ZMYM2: variants seen among roughly 807,000 people sequenced by gnomAD.
ZMYM2 encodes zinc finger MYM-type containing 2.
A neutral mutation model predicts 162.8 loss-of-function variants in ZMYM2; 56 were observed. That is an observed-to-expected ratio of 0.34 (90% CI 0.28 to 0.43). ZMYM2 has a LOEUF of 0.43. Among genes scored for constraint, ZMYM2 ranks in the 20% least tolerant of loss-of-function variants. The pLI is 1.00. For missense variants in ZMYM2, 1,275 were observed against 1,621.8 expected, an observed-to-expected ratio of 0.79 and a Z score of 3.67; for synonymous variants, 510 against 541.6, an observed-to-expected ratio of 0.94 and a Z score of 0.81.
chr13:19,981,480 A>G, intron 2 of ZMYM2, among the ~76,000 whole-genome samples: 1 of 152,168 alleles, frequency 6.6e-6, no homozygotes, highest in Non-Finnish European at 1.5e-5. Context: ...ATCTACTATA[A>G]GCAAGTGTTT....
At chr13:19,908,008 C>A in the ZMYM2 span, among the ~76,000 whole-genome samples, 3 of 152,062 alleles carry the variant, frequency 2.0e-5, no homozygotes, top group Non-Finnish European at 2.9e-5. Flanking sequence ...AATTTTGCAG[C>A]CAGCCGTGGT....
the ZMYM2 span, among the ~76,000 whole-genome samples, chr13:19,879,312 A>C: frequency 2.6e-5 from 4 of 152,206 alleles, no homozygotes. Flanking sequence ...ATGGTGGCTC[A>C]TGCTTGTAAT....
intron 2 of ZMYM2, among the ~76,000 whole-genome samples, chr13:19,967,061 A>G (rs1209749642): frequency 3.9e-5 from 6 of 152,012 alleles, no homozygotes; most frequent in Admixed American, 6.6e-5. Flanking sequence ...CTTTATTTGT[A>G]TATCACATTT....
At chr13:19,971,816 A>G (rs1956360119) in intron 2 of ZMYM2, among the ~76,000 whole-genome samples, 3 of 152,126 alleles carry the variant, frequency 2.0e-5, no homozygotes, top group Admixed American at 1.3e-4. Flanking sequence ...GACATAAAAC[A>G]TCGTGAAATG....
In ZMYM2 at chr13:19,993,273, A is replaced by G. The variant is rs764966040; in HGVS notation, c.201A>G (p.Gln67=). The G allele has an allele frequency of 6.2e-7, 1 of 1,613,840 alleles. No individual in the cohort carries two copies. Among genetic ancestry groups the G allele is most frequent in the Non-Finnish European group, 8.5e-7 (1 of 1,179,870 alleles). ...DDDVVFIEPV[Q]PPPPSVPVVA... The stretch of plus-strand genomic sequence containing the variant: ...ATGTTGTTTTTATCGAACCTGTACA[A>G]CCTCCCCCACCTTCTGTACCAGTGG... The change falls in exon 3 of 25, where the codon CAA becomes CAG. Residue 67 remains glutamine (Q), a synonymous_variant. Coordinates refer to ENST00000610343, the MANE Select transcript of ZMYM2 (RefSeq NM_197968.4).
chr13:19,890,871 C>CA, the ZMYM2 span, among the ~76,000 whole-genome samples: 14,814 of 128,600 alleles, frequency 0.12, 887 homozygotes, highest in Middle Eastern at 0.16. Context: ...GACTCCATTT[C>CA]AAAAAAAAAA....
At chr13:20,055,176 A>G (rs1338754209) in intron 14 of ZMYM2, among the ~76,000 whole-genome samples, 2 of 152,128 alleles carry the variant, frequency 1.3e-5, no homozygotes, top group Non-Finnish European at 2.9e-5. Flanking sequence ...TGGTGGTCCT[A>G]GAACCAGTCC....
At chr13:20,059,341 A>AT (rs1956060348) in intron 15 of ZMYM2, 106 bp from the exon 16 acceptor site, 7 of 1,242,164 alleles carry the variant, frequency 5.6e-6, no homozygotes, top group Middle Eastern at 2.6e-4. Flanking sequence ...AAAAAAAAAA[A>AT]GGTACTGAGG....
chr13:19,867,619 CAGT>C, the ZMYM2 span, among the ~76,000 whole-genome samples: 1 of 151,676 alleles, frequency 6.6e-6, no homozygotes, highest in Non-Finnish European at 1.5e-5. Flanking sequence ...TCTCTAGAAT[CAGT>C]AGGATGCTTT....
chr13:19,884,845 G>A, the ZMYM2 span, among the ~76,000 whole-genome samples: 4 of 152,034 alleles, frequency 2.6e-5, no homozygotes, highest in African/African-American at 7.2e-5. Context: ...AAGAAAACCT[G>A]AGCACATCAC....
intron 6 of ZMYM2, among the ~76,000 whole-genome samples, chr13:20,016,023 G>A (rs1441537766): frequency 6.6e-6 from 1 of 151,958 alleles, no homozygotes; most frequent in African/African-American, 2.4e-5. Flanking sequence ...TACCAATAAG[G>A]AAGGATTTAT....
At chr13:20,030,599 C>T (rs532564423) in intron 9 of ZMYM2, among the ~76,000 whole-genome samples, 158 of 152,178 alleles carry the variant, frequency 1.0e-3, no homozygotes, top group African/African-American at 3.7e-3. Flanking sequence ...GGGGTTTTAC[C>T]GTGTTAGCCA....
the ZMYM2 span, among the ~76,000 whole-genome samples, chr13:19,894,231 TAAC>T: frequency 6.6e-6 from 1 of 151,936 alleles, no homozygotes; most frequent in Non-Finnish European, 1.5e-5. Context: ...TTAACCTACT[TAAC>T]ATCATAGCTT....
the ZMYM2 span, among the ~76,000 whole-genome samples, chr13:19,883,503 C>T: frequency 6.6e-6 from 1 of 151,874 alleles, no homozygotes; most frequent in African/African-American, 2.4e-5. Context: ...AAAGGCTGAG[C>T]TTAGCACATT....
the ZMYM2 span, among the ~76,000 whole-genome samples, chr13:19,884,185 T>C: frequency 6.6e-6 from 1 of 152,076 alleles, no homozygotes; most frequent in African/African-American, 2.4e-5. Context: ...CAGGAAACCA[T>C]ACCGAGATCC....
At chr13:19,903,353 A>T in the ZMYM2 span, among the ~76,000 whole-genome samples, 3 of 150,794 alleles carry the variant, frequency 2.0e-5, no homozygotes, top group African/African-American at 7.3e-5. Flanking sequence ...AAAATAAAAA[A>T]ATTTGGCTGG....
chr13:19,914,836 C>A, the ZMYM2 span, among the ~76,000 whole-genome samples: 1 of 152,122 alleles, frequency 6.6e-6, no homozygotes, highest in Non-Finnish European at 1.5e-5. Flanking sequence ...TGTGGAATGG[C>A]CTTTTGCAGA....
chr13:19,993,149 C>T lies in ZMYM2; in HGVS notation c.77C>T (p.Thr26Ile), dbSNP rs1390076829. Reference sequence around the variant, plus strand: ...TTATTAGGGAGTACGGCCATGGCAACTAGTCTCACGAATGTAGGAAACTCA... The same window carrying T: ...TTATTAGGGAGTACGGCCATGGCAATTAGTCTCACGAATGTAGGAAACTCA... Reference protein sequence around the residue: ...PVLLGSTAMATSLTNVGNSFS... With the variant: ...PVLLGSTAMAISLTNVGNSFS... The change falls in exon 3 of 25, where the codon ACT (threonine) becomes ATT (isoleucine). Residue 26 changes from threonine to isoleucine, a missense_variant. By Grantham distance (89) the Thr-to-Ile change is moderately conservative. This residue lies in a region of ZMYM2 where 295 missense variants were observed against 286.7 expected (regional missense o/e 1.03). Transcript: ENST00000610343. 4 of 1,613,966 alleles carry T rather than the reference C, an allele frequency of 2.5e-6. No homozygotes were observed. The highest frequency in any genetic ancestry group is 3.4e-6 in the Non-Finnish European group (4 of 1,180,014).
At chr13:20,084,521 G>A (rs1958121058) in intron 24 of ZMYM2, among the ~76,000 whole-genome samples, 2 of 152,172 alleles carry the variant, frequency 1.3e-5, no homozygotes, top group South Asian at 4.1e-4. Context: ...ACATAAGCAG[G>A]TGGCTGGCTG....
Sources: allele counts gnomAD v4.1 joint callset (sites outside exome capture counted in the v4.1 genomes callset), GRCh38; gene constraint gnomAD v4.1.1; regional missense constraint gnomAD v4.1.1; transcripts MANE v1.5; gene names NCBI Gene and HGNC (gene_info 2026-07-23, HGNC 2026-07-21).